Variants in EP400 observed in about 807,000 individuals in gnomAD.
EP400 encodes E1A binding protein p400.
EP400 carries 105 observed loss-of-function variants against 354.1 expected under a neutral mutation model. The ratio of observed to expected loss-of-function variants is 0.30; its 90% CI spans 0.25 to 0.35. The LOEUF is 0.35. Ranked by LOEUF, EP400 falls within the 10% of genes least tolerant of loss-of-function variation. EP400 has a pLI of 1.00. For synonymous variants in EP400, 1,646 were observed against 1,716.9 expected, an observed-to-expected ratio of 0.96 and a Z score of 1.02; for missense variants, 3,280 against 4,121.0, an observed-to-expected ratio of 0.80 and a Z score of 5.59.
rs761716504 is a variant in EP400 at position 132,064,731 on chromosome 12, G to T, written c.8398G>T (p.Ala2800Ser). Residue 2800 changes from alanine to serine, a missense_variant, in exon 48 of 53, where the codon GCC becomes TCC. Coordinates refer to ENST00000389561, the MANE Select transcript of EP400 (RefSeq NM_015409.5). The part of the protein sequence containing the change: ...QMPPQPPPPQ[A>S]QSAPPQPTAQ... ...GCCCCCGCAGCCCCCACCGCCACAGGCCCAGTCTGCGCCCCCGCAGCCAAC... is the reference window on the plus strand; with the variant it reads ...GCCCCCGCAGCCCCCACCGCCACAGTCCCAGTCTGCGCCCCCGCAGCCAAC... The T allele has an allele frequency of 6.2e-7, 1 of 1,613,656 alleles. No homozygotes were observed. The highest frequency in any genetic ancestry group is 8.5e-7 in the Non-Finnish European group (1 of 1,179,898).
chr12:132,016,313 G>A (rs1893930720), intron 19 of EP400, among the ~76,000 whole-genome samples: 2 of 152,030 alleles, frequency 1.3e-5, no homozygotes. Context: ...AGCTGTGTGG[G>A]GACTCAGGAC....
In EP400 at chr12:132,006,320, C is replaced by G; in HGVS notation, c.3126+18C>G. 6.2e-7 allele frequency: 1 copy of G among 1,611,988 alleles called. No individual in the cohort carries two copies. The highest frequency in any genetic ancestry group is 8.5e-7 in the Non-Finnish European group (1 of 1,178,852). On this transcript the variant is annotated intron_variant, in intron 14 of 52. Coordinates refer to ENST00000389561, the MANE Select transcript of EP400 (RefSeq NM_015409.5). ...CAACCTCGGTGAGGCGCTAAGCTTT[C>G]AAGTGTGGGATGGGCCTTTGAGAGA...
intron 2 of EP400, chr12:131,963,621 A>G: frequency 6.3e-7 from 1 of 1,598,164 alleles, no homozygotes; most frequent in Non-Finnish European, 8.5e-7. Context: ...CTGCTTTTTC[A>G]TCCCAGCAGC....
intron 30 of EP400, 86 bp from the exon 31 acceptor site, chr12:132,037,596 G>A (rs1488851577): frequency 3.0e-5 from 32 of 1,072,152 alleles, no homozygotes; most frequent in East Asian, 4.9e-5. Context: ...ACGTGGATTC[G>A]TTGATCACCA....
In EP400 at chr12:131,990,206, C is replaced by T. The variant is rs967752451; in HGVS notation, c.2550+102C>T. On this transcript the variant is annotated intron_variant, in intron 8 of 52. Transcript: ENST00000389561. The surrounding 1 kb of genome is among the most constrained non-coding windows in gnomAD (Gnocchi z 4.2). ...TCGGGCACCTTGCTTAGGAAGCTTT[C>T]GAGCACCAGAGTCAGCAACGTGTGC... 5.7e-6 allele frequency: 8 copies of T among 1,409,412 alleles called. No individual in the cohort carries two copies. Among genetic ancestry groups the T allele is most frequent in the East Asian group, 2.3e-5 (1 of 43,422 alleles). 87.3% of individuals were successfully genotyped at this position (1,409,412 alleles called of 1,614,324 possible). A position where few individuals can be genotyped will look rare whatever the true frequency, so the allele number is the denominator to read the frequency against.
rs572817935 is a variant in EP400, at chr12:132,059,079, T to C, written c.7885-3031T>C. ...AGGAATTGACAAGAATAATTAATTA[T>C]CAGGCCCAAATCTAAGGGAGGGAAG... On this transcript the variant is annotated intron_variant, in intron 45 of 52. Transcript: ENST00000389561. 7.1e-3 allele frequency among the ~76,000 whole-genome samples: 1,083 copies of C among 151,732 alleles called. 35 individuals carry two copies. The South Asian group carries it at 0.093, about 13-fold the overall frequency.
In EP400 at chr12:131,960,707, G is replaced by GTCCC; in HGVS notation, c.88_89insTCCC (p.Ala30ValfsTer36). 1.9e-6 allele frequency: 3 copies of GTCCC among 1,545,582 alleles called. No individual in the cohort carries two copies. The highest frequency in any genetic ancestry group is 1.2e-5 in the South Asian group (1 of 83,344). ...TGGCAGCGAGGGTGAGGAGCAGCCG[G>GTCCC]CCCACCCCAACCCACCCCCGTCCCC... On this transcript the variant is annotated frameshift_variant, in exon 2 of 53. Transcript: ENST00000389561. LOFTEE classifies it high-confidence loss of function.
chr12:132,069,709 C>T (rs1565936399), intron 51 of EP400, 68 bp downstream of exon 51: 17 of 1,587,762 alleles, frequency 1.1e-5, no homozygotes, highest in East Asian at 4.5e-5. Context: ...TTGTGTGTCT[C>T]GCGGGCTTTG....
At position 132,067,306 on chromosome 12, in the gene EP400, G is replaced by A. The variant is rs79125189; in HGVS notation, c.8750-56G>A. ...TGAGTCAGTTGGAACAGAGCTTGGC[G>A]TGAGCCTCAAGCTCTTTTCCCAGTG... On this transcript the variant is annotated intron_variant, in intron 49 of 52. Coordinates refer to ENST00000389561, the MANE Select transcript of EP400 (RefSeq NM_015409.5). The surrounding 1 kb of genome is among the most constrained non-coding windows in gnomAD (Gnocchi z 5.3). The A allele has an allele frequency of 3.0e-4, 474 of 1,587,088 alleles. No individual in the cohort carries two copies. The African/African-American group carries it at 5.4e-3, about 18-fold the overall frequency.
rs1894775565 is a variant in EP400, at chr12:132,038,107, A to G, written c.6207+11A>G. 6.2e-7 allele frequency: 1 copy of G among 1,609,054 alleles called. No homozygotes were observed. Among genetic ancestry groups the G allele is most frequent in the South Asian group, 1.1e-5 (1 of 91,054 alleles). On this transcript the variant is annotated intron_variant, in intron 32 of 52. Coordinates refer to ENST00000389561, the MANE Select transcript of EP400 (RefSeq NM_015409.5). The surrounding 1 kb of genome is among the most constrained non-coding windows in gnomAD (Gnocchi z 4.2). ...AGACCTTTCATAGAGGTAAGAATAC[A>G]TTGAATCTGGCTGAAGAGTTGCACG...
chr12:131,967,768 C>G (rs186821651), intron 2 of EP400, among the ~76,000 whole-genome samples: 2 of 151,722 alleles, frequency 1.3e-5, no homozygotes, highest in East Asian at 3.9e-4. Flanking sequence ...TTCCCAGTAG[C>G]AATGTATGAT....
At chr12:131,951,091 G>GTTTTTTTTT (rs1891468539) in intron 1 of EP400, among the ~76,000 whole-genome samples, 3 of 134,736 alleles carry the variant, frequency 2.2e-5, no homozygotes, top group Admixed American at 7.4e-5. Flanking sequence ...TTTTTTTTTG[G>GTTTTTTTTT]ATTTTTAGTA....
intron 2 of EP400, 92 bp downstream of exon 2, chr12:131,962,046 C>T (rs372470798): frequency 1.2e-4 from 176 of 1,424,384 alleles, no homozygotes; most frequent in Non-Finnish European, 1.5e-4. Context: ...ATTGAGCCTG[C>T]GGTATTTCTA....
rs1894018558 is a variant in EP400 at position 132,018,486 on chromosome 12, C to T, written c.4277+110C>T. 1.4e-6 allele frequency: 2 copies of T among 1,420,956 alleles called. No individual in the cohort carries two copies. The highest frequency in any genetic ancestry group is 4.8e-5 in the East Asian group (2 of 41,576). 88.0% of individuals were successfully genotyped at this position (1,420,956 alleles called of 1,614,324 possible). A position where few individuals can be genotyped will look rare whatever the true frequency, so the allele number is the denominator to read the frequency against. ...GCTGCTAATGTAGTTAGGTTATCTG[C>T]TGCTCTTGGGACCTTGCTGGTGTCC... On this transcript the variant is annotated intron_variant, in intron 21 of 52. Transcript: ENST00000389561. This position sits in a 1 kb window ranked among gnomAD's most constrained non-coding sequence, Gnocchi z 4.0.
chr12:131,979,945 C>G, intron 3 of EP400, 152 bp downstream of exon 3: 1 of 563,304 alleles, frequency 1.8e-6, no homozygotes, highest in Non-Finnish European at 3.0e-6. Context: ...ATCAGCTGAA[C>G]AATATTTACG....
At chr12:132,077,363 T>A in intron 52 of EP400, 38 bp from the exon 53 acceptor site, 3 of 1,588,784 alleles carry the variant, frequency 1.9e-6, no homozygotes, top group Non-Finnish European at 2.6e-6. Context: ...GGACTGAGTT[T>A]CCTGGGCAAT....
chr12:132,055,455 G>T (rs61944622), intron 45 of EP400, among the ~76,000 whole-genome samples: 1 of 140,684 alleles, frequency 7.1e-6, no homozygotes, highest in Non-Finnish European at 1.5e-5. Flanking sequence ...GTGGTGTAGG[G>T]GTGTGTGTGT....
intron 3 of EP400, 57 bp from the exon 4 acceptor site, chr12:131,981,432 C>A: frequency 1.5e-6 from 2 of 1,379,046 alleles, no homozygotes; most frequent in Non-Finnish European, 2.0e-6. Context: ...TTTTTTTCTA[C>A]TACTTCTCTG....
At position 132,064,778 on chromosome 12, in the gene EP400, C is replaced by A. The variant is rs138389869; in HGVS notation, c.8445C>A (p.Thr2815=). The A allele has an allele frequency of 9.8e-5, 158 of 1,613,110 alleles. No homozygotes were observed. The African/African-American group carries it at 2.1e-3, about 21-fold the overall frequency. The change falls in exon 48 of 53, where the codon ACC becomes ACA. Residue 2815 remains threonine, a synonymous_variant. Transcript: ENST00000389561. The part of the protein sequence containing the change: ...PQPTAQVQVQ[T]SQPPQQQSPQ... ...CAACAGCCCAAGTGCAAGTGCAGAC[C>A]TCGCAGCCGCCGCAGCAGCAGAGCC...
Sources: allele counts gnomAD v4.1 joint callset (sites outside exome capture counted in the v4.1 genomes callset), GRCh38; gene constraint gnomAD v4.1.1; non-coding constraint Gnocchi (gnomAD v3.1); transcripts MANE v1.5; gene names NCBI Gene and HGNC (gene_info 2026-07-23, HGNC 2026-07-21).